Variants in GNB5 observed in about 807,000 individuals in gnomAD.
The protein encoded by GNB5 is guanine nucleotide-binding protein subunit beta-5.
In GNB5, 37 loss-of-function variants were observed where a neutral mutation model predicts 55.3. That is an observed-to-expected ratio of 0.67 (90% CI 0.51 to 0.88). The LOEUF (loss-of-function observed/expected upper bound fraction) is 0.88, where lower values mean the gene tolerates loss of function less well. Ranked by LOEUF, GNB5 falls within the 40% of genes least tolerant of loss-of-function variation. The pLI is 0.00. For synonymous variants in GNB5, 219 were observed against 198.5 expected, an observed-to-expected ratio of 1.10 and a Z score of -0.87; for missense variants, 476 against 515.3, an observed-to-expected ratio of 0.92 and a Z score of 0.74.
intron 3 of GNB5, among the ~76,000 whole-genome samples, chr15:52,168,123 T>C (rs554933579): frequency 6.6e-6 from 1 of 152,250 alleles, no homozygotes; most frequent in East Asian, 1.9e-4. Context: ...CCACTCCTAT[T>C]CAATATAGTA....
At chr15:52,171,093 CAAAAAAAAAA>C (rs58181494) in intron 3 of GNB5, among the ~76,000 whole-genome samples, 3,405 of 72,718 alleles carry the variant, frequency 0.047, 138 homozygotes, top group African/African-American at 0.13. Context: ...ACTCTATCTC[CAAAAAAAAAA>C]AAAAAAAAAA....
At chr15:52,162,778 T>C (rs530377227) in intron 3 of GNB5, 1 of 152,370 alleles carries the variant, frequency 6.6e-6, no homozygotes, top group African/African-American at 2.4e-5. Flanking sequence ...TGGTGTTTAC[T>C]ACTAATTGAT....
chr15:52,175,598 G>A (rs1218105490), intron 3 of GNB5, among the ~76,000 whole-genome samples: 1 of 152,142 alleles, frequency 6.6e-6, no homozygotes, highest in African/African-American at 2.4e-5. Context: ...AATTAGCCAG[G>A]CATGGTGGCA....
intron 9 of GNB5, among the ~76,000 whole-genome samples, chr15:52,130,698 T>C (rs1011115455): frequency 6.6e-6 from 1 of 152,246 alleles, no homozygotes; most frequent in African/African-American, 2.4e-5. Flanking sequence ...GGAGGGCACC[T>C]AACTCAGCCC....
chr15:52,141,501 C>G (rs532960793), intron 6 of GNB5, among the ~76,000 whole-genome samples: 3 of 151,176 alleles, frequency 2.0e-5, no homozygotes, highest in South Asian at 4.2e-4. Flanking sequence ...CTCTTGGCCT[C>G]GAACTCGTGG....
intron 6 of GNB5, among the ~76,000 whole-genome samples, chr15:52,143,312 T>C (rs771167430): frequency 1.4e-4 from 21 of 152,204 alleles, no homozygotes; most frequent in African/African-American, 5.1e-4. Context: ...GAGATACTTA[T>C]TACTTAGGGT....
intron 4 of GNB5, 146 bp downstream of exon 4, chr15:52,153,793 GA>G: frequency 1.6e-6 from 1 of 635,346 alleles, no homozygotes; most frequent in African/African-American, 1.8e-5. Context: ...TAATATGTAA[GA>G]GAGTTCTTTA....
Position 52,118,499 on chromosome 15 carries a change from A to T in GNB5, c.*4258T>A, listed in dbSNP as rs965041211. Reference sequence around the variant, plus strand: ...TTCTTGTGTTTTATAACTTTTTCTCAGTCTTAATTTCTAATACAATAAATA... The same window carrying T: ...TTCTTGTGTTTTATAACTTTTTCTCTGTCTTAATTTCTAATACAATAAATA... On this transcript the variant is annotated 3_prime_UTR_variant, in exon 13 of 13. Coordinates refer to ENST00000261837, the MANE Select transcript of GNB5 (RefSeq NM_016194.4). 11 of 152,096 alleles carry T rather than the reference A, an allele frequency of 7.2e-5. No homozygotes were observed. Among genetic ancestry groups the T allele is most frequent in the Non-Finnish European group, 1.6e-4 (11 of 68,012 alleles). 9.4% of individuals were successfully genotyped at this position (152,096 alleles called of 1,614,324 possible).
chr15:52,184,761 C>A, intron 1 of GNB5, 67 bp from the exon 2 acceptor site: 1 of 1,356,252 alleles, frequency 7.4e-7, no homozygotes, highest in Non-Finnish European at 1.0e-6. Flanking sequence ...TCTAAAATCT[C>A]TTCTTGCTTG....
chr15:52,125,904 C>T (rs757431329), intron 11 of GNB5, 44 bp downstream of exon 11: 33 of 796,440 alleles, frequency 4.1e-5, no homozygotes, highest in Middle Eastern at 6.8e-4. Context: ...TCATTCTGGT[C>T]CTGTCTTACA....
Position 52,157,245 on chromosome 15 carries a change from T to C in GNB5, c.239-3169A>G, listed in dbSNP as rs935281456. ...GCCACGGCACCCGGCCTGATTCTTA[T>C]AGGCCTTTTTTTTTTTTTTGAGTCG... On this transcript the variant is annotated intron_variant, in intron 3 of 12. Transcript: ENST00000261837. Among the ~76,000 whole-genome samples the C allele has an allele frequency of 1.2e-3, 166 of 142,620 alleles. 2 individuals are homozygous for C. Among genetic ancestry groups the C allele is most frequent in the Non-Finnish European group, 1.0e-3 (69 of 65,908 alleles). 93.6% of individuals were successfully genotyped at this position (142,620 alleles called of 152,430 possible).
At chr15:52,189,640 G>T (rs2034891880) in intron 1 of GNB5, among the ~76,000 whole-genome samples, 1 of 152,080 alleles carries the variant, frequency 6.6e-6, no homozygotes. Context: ...TTTCATGGCA[G>T]CATTATTAGC....
At chr15:52,172,778 T>C (rs1442693388) in intron 3 of GNB5, among the ~76,000 whole-genome samples, 4 of 152,054 alleles carry the variant, frequency 2.6e-5, no homozygotes, top group Admixed American at 6.6e-5. Flanking sequence ...AAACAGTAAA[T>C]GTATAGATGG....
intron 3 of GNB5, among the ~76,000 whole-genome samples, chr15:52,160,842 T>G (rs2034316930): frequency 6.6e-6 from 1 of 152,170 alleles, no homozygotes; most frequent in African/African-American, 2.4e-5. Flanking sequence ...CATTCCACTG[T>G]ATATACATAC....
intron 3 of GNB5, among the ~76,000 whole-genome samples, chr15:52,155,464 A>G (rs2034188375): frequency 6.6e-6 from 1 of 152,210 alleles, no homozygotes; most frequent in Non-Finnish European, 1.5e-5. Context: ...CCTAAAAACA[A>G]TGAACTCTCT....
At chr15:52,146,179 G>C (rs1446030591) in intron 6 of GNB5, among the ~76,000 whole-genome samples, 1 of 151,968 alleles carries the variant, frequency 6.6e-6, no homozygotes, top group Non-Finnish European at 1.5e-5. Context: ...GAATGGTCTC[G>C]ATCTCCTGAC....
intron 3 of GNB5, among the ~76,000 whole-genome samples, chr15:52,176,338 G>A (rs1031711364): frequency 2.6e-5 from 4 of 152,210 alleles, no homozygotes; most frequent in African/African-American, 9.7e-5. Context: ...ATTCGACTTT[G>A]CTAAGCCTGC....
At chr15:52,154,514 T>C (rs2034167528) in intron 3 of GNB5, among the ~76,000 whole-genome samples, 1 of 152,124 alleles carries the variant, frequency 6.6e-6, no homozygotes, top group Non-Finnish European at 1.5e-5. Context: ...TTAAGACAAG[T>C]TCATACAATC....
chr15:52,128,275 G>A (rs1304393640), intron 9 of GNB5, 31 bp from the exon 10 acceptor site: 5 of 1,495,866 alleles, frequency 3.3e-6, no homozygotes, highest in South Asian at 1.1e-5. Context: ...ATCTACGGTT[G>A]TGACTCCTGA....
Sources: gnomAD v4.1 joint callset for allele counts (sites outside exome capture counted in the v4.1 genomes callset) on GRCh38, gnomAD v4.1.1 for gene constraint, MANE v1.5 for transcripts, NCBI Gene and HGNC (gene_info 2026-07-23, HGNC 2026-07-21) for gene names.